The following VPS35L variants were observed in gnomAD, a reference collection of about 807,000 sequenced individuals.
VPS35L encodes the protein VPS35 endosomal protein-sorting factor-like.
Under a neutral mutation model 133.0 loss-of-function variants are expected in VPS35L, and 83 were observed. The ratio of observed to expected loss-of-function variants is 0.62; its 90% CI spans 0.52 to 0.75. The LOEUF (loss-of-function observed/expected upper bound fraction) is 0.75. Among genes scored for constraint, VPS35L ranks in the 30% least tolerant of loss-of-function variants. The pLI is 0.00. For missense variants in VPS35L, 1,083 were observed against 1,206.8 expected (o/e 0.90, Z 1.52); for synonymous variants, 423 against 449.9 (o/e 0.94, Z 0.76).
At chr16:19,689,037 CTTCTT>C (rs1975569863) in intron 28 of VPS35L, among the ~76,000 whole-genome samples, 2 of 144,768 alleles carry the variant, frequency 1.4e-5, no homozygotes, top group African/African-American at 5.3e-5. Context: ...CCCGGTGTCT[CTTCTT>C]TTTTTTTTTT....
In VPS35L at chr16:19,639,760, C is replaced by T. The variant is rs192459337; in HGVS notation, c.1699-255C>T. On this transcript the variant is annotated intron_variant, in intron 20 of 30. Transcript: ENST00000417362. This position sits in a 1 kb window ranked among gnomAD's most constrained non-coding sequence, Gnocchi z 4.1. ...GCCAGGCTGGTCTTGAACTCCTGGC[C>T]TCAAGTGATCCACCCGCCTCAGCCT... Among the ~76,000 whole-genome samples, 5 of 152,238 alleles carry T rather than the reference C, an allele frequency of 3.3e-5. No homozygotes were observed. Among genetic ancestry groups the T allele is most frequent in the Non-Finnish European group, 5.9e-5 (4 of 68,014 alleles).
At chr16:19,679,580 G>T (rs569546091) in intron 27 of VPS35L, among the ~76,000 whole-genome samples, 1 of 151,278 alleles carries the variant, frequency 6.6e-6, no homozygotes, top group African/African-American at 2.4e-5. Flanking sequence ...ATCTCTGCTC[G>T]CTCATCCTCC....
chr16:19,602,510 T>TCTCCTCCTCTCTCTTCCTCTCC (rs969562124), intron 9 of VPS35L, among the ~76,000 whole-genome samples: 7 of 151,864 alleles, frequency 4.6e-5, no homozygotes, highest in Non-Finnish European at 8.8e-5. Context: ...CCTCCCTCTC[T>TCTCCTCCTCTCTCTTCCTCTCC]CTCCTCCTCT....
intron 14 of VPS35L, among the ~76,000 whole-genome samples, chr16:19,620,873 C>T (rs1447413435): frequency 1.3e-5 from 2 of 152,206 alleles, no homozygotes; most frequent in East Asian, 1.9e-4. Flanking sequence ...ATTACTTGAA[C>T]CCAGGAGGTG....
chr16:19,644,698 T>C (rs1973884033), intron 22 of VPS35L, among the ~76,000 whole-genome samples, 188 bp from the exon 23 acceptor site: 1 of 152,212 alleles, frequency 6.6e-6, no homozygotes, highest in Admixed American at 6.5e-5. Flanking sequence ...GAGAAACATA[T>C]TTAAATTATG....
At chr16:19,601,507 A>G (rs16972232) in intron 8 of VPS35L, 157 bp from the exon 9 acceptor site, 2 of 655,132 alleles carry the variant, frequency 3.1e-6, no homozygotes, top group East Asian at 5.7e-5. Flanking sequence ...AACAAAAAAA[A>G]TGTGGCTTAA....
intron 2 of VPS35L, among the ~76,000 whole-genome samples, chr16:19,565,226 G>A (rs1369730742): frequency 6.6e-6 from 1 of 150,694 alleles, no homozygotes; most frequent in Non-Finnish European, 1.5e-5. Flanking sequence ...CTAAGTTTTT[G>A]TGTTTTTTTA....
intron 29 of VPS35L, among the ~76,000 whole-genome samples, chr16:19,698,779 A>G (rs953429805): frequency 9.2e-5 from 14 of 152,106 alleles, no homozygotes; most frequent in Admixed American, 7.9e-4. Context: ...CCACCTGTTG[A>G]TGTGGCTTTT....
chr16:19,612,368 C>T (rs1972752961), intron 12 of VPS35L, among the ~76,000 whole-genome samples: 1 of 152,124 alleles, frequency 6.6e-6, no homozygotes, highest in Admixed American at 6.6e-5. Context: ...ATTCTCATGT[C>T]TCAGCCTCCG....
At chr16:19,577,782 C>T (rs997878868) in intron 5 of VPS35L, among the ~76,000 whole-genome samples, 2 of 152,138 alleles carry the variant, frequency 1.3e-5, no homozygotes, top group African/African-American at 4.8e-5. Context: ...GGGCACTCCC[C>T]TCACCCCTTC....
At chr16:19,584,404 A>G (rs1971799794) in intron 7 of VPS35L, among the ~76,000 whole-genome samples, 1 of 152,136 alleles carries the variant, frequency 6.6e-6, no homozygotes, top group Non-Finnish European at 1.5e-5. Context: ...AGGCAGGTGG[A>G]TCACCTGAGG....
At chr16:19,592,006 C>T (rs891919973) in intron 8 of VPS35L, 132 bp downstream of exon 8, 5 of 662,632 alleles carry the variant, frequency 7.5e-6, no homozygotes, top group Admixed American at 2.6e-5. Flanking sequence ...GAGATCAAAC[C>T]GTTCCCCCCC....
chr16:19,591,407 A>G (rs1238166196), intron 7 of VPS35L, among the ~76,000 whole-genome samples: 1 of 152,126 alleles, frequency 6.6e-6, no homozygotes, highest in Non-Finnish European at 1.5e-5. Context: ...AGAAGGTGAT[A>G]GTGTATTTTC....
At chr16:19,632,036 A>G (rs1016534074) in intron 18 of VPS35L, among the ~76,000 whole-genome samples, 4 of 152,120 alleles carry the variant, frequency 2.6e-5, no homozygotes, top group African/African-American at 9.7e-5. Context: ...ATCTCAGCTC[A>G]CTGCAACCTC....
At chr16:19,673,545 G>C (rs1320390384) in intron 27 of VPS35L, among the ~76,000 whole-genome samples, 1 of 150,982 alleles carries the variant, frequency 6.6e-6, no homozygotes, top group Non-Finnish European at 1.5e-5. Flanking sequence ...GAACAGATTT[G>C]AGTTATTTAT....
rs1430107223 is a variant in VPS35L, at chr16:19,564,179, G to A, written c.18-672G>A. 2.0e-5 allele frequency among the ~76,000 whole-genome samples: 3 copies of A among 152,066 alleles called. No individual in the cohort carries two copies. In the East Asian group the frequency reaches 5.8e-4, roughly 30 times the overall value. On this transcript the variant is annotated intron_variant, in intron 1 of 30. Transcript: ENST00000417362. ...CTGCAACCTCCGCCTCCTGGTTGAAGCGATTCTCCTGCCTCAGCCTCCCAA... is the reference window on the plus strand; with the variant it reads ...CTGCAACCTCCGCCTCCTGGTTGAAACGATTCTCCTGCCTCAGCCTCCCAA...
chr16:19,578,373 C>CA (rs35605554), intron 5 of VPS35L: 71,292 of 341,408 alleles, frequency 0.21, 3,216 homozygotes, highest in African/African-American at 0.27. Context: ...GACCCCATCT[C>CA]AAAAAAAAAA....
chr16:19,556,198 C>T (rs1970849163), intron 1 of VPS35L, among the ~76,000 whole-genome samples: 1 of 152,214 alleles, frequency 6.6e-6, no homozygotes, highest in African/African-American at 2.4e-5. Flanking sequence ...GGCCGCCATT[C>T]ATCCTATCCT....
chr16:19,607,258 C>T (rs974671598), intron 9 of VPS35L, among the ~76,000 whole-genome samples: 1 of 152,136 alleles, frequency 6.6e-6, no homozygotes, highest in Non-Finnish European at 1.5e-5. Flanking sequence ...CCAGCTAGCC[C>T]CTGGTACCAA....
Sources: allele counts gnomAD v4.1 joint callset (sites outside exome capture counted in the v4.1 genomes callset), GRCh38; gene constraint gnomAD v4.1.1; non-coding constraint Gnocchi (gnomAD v3.1); transcripts MANE v1.5; gene names NCBI Gene and HGNC (gene_info 2026-07-23, HGNC 2026-07-21).